MAP3K21: variants seen among roughly 807,000 people sequenced by gnomAD.
MAP3K21 encodes the protein mitogen-activated protein kinase kinase kinase 21.
Under a neutral mutation model 86.1 loss-of-function variants are expected in MAP3K21, and 63 were observed. The observed-to-expected ratio is 0.73, with a 90% CI of 0.60 to 0.90. The LOEUF is 0.90. Ranked by LOEUF, MAP3K21 falls within the 40% of genes least tolerant of loss-of-function variation. The pLI, the probability that MAP3K21 is intolerant of heterozygous loss-of-function variation, is 0.00. For synonymous variants in MAP3K21, 558 were observed against 564.8 expected (o/e 0.99, Z 0.17); for missense variants, 1,220 against 1,367.7 (o/e 0.89, Z 1.70).
Position 233,327,970 on chromosome 1 carries a change from C to T in MAP3K21, c.-59C>T. Reference sequence around the variant, plus strand: ...CACACCGCCGGACGATGCGCGCCCGCGGCCGCCCGGGAGGCTGAGCCCAGC... The same window carrying T: ...CACACCGCCGGACGATGCGCGCCCGTGGCCGCCCGGGAGGCTGAGCCCAGC... On this transcript the variant is annotated 5_prime_UTR_variant, in exon 1 of 10. Coordinates refer to ENST00000366624, the MANE Select transcript of MAP3K21 (RefSeq NM_032435.3). 8.2e-7 allele frequency: 1 copy of T among 1,225,780 alleles called. No individual in the cohort carries two copies. The highest frequency in any genetic ancestry group is 1.0e-6 in the Non-Finnish European group (1 of 983,316). The allele number at this position is 1,225,780 out of a possible 1,614,324, so 75.9% of individuals were successfully genotyped here.
At chr1:233,333,473 A>G (rs960658897) in intron 1 of MAP3K21, among the ~76,000 whole-genome samples, 1 of 152,140 alleles carries the variant, frequency 6.6e-6, no homozygotes, top group Non-Finnish European at 1.5e-5. Context: ...GGCCAGGTGT[A>G]GTGGCTCATA....
intron 6 of MAP3K21, among the ~76,000 whole-genome samples, chr1:233,375,444 A>G (rs1244240122): frequency 6.6e-6 from 1 of 152,254 alleles, no homozygotes; most frequent in East Asian, 1.9e-4. Flanking sequence ...TGACCAAAAA[A>G]TAAAGAAAGA....
rs750764987 is a variant in MAP3K21, at chr1:233,375,924, G to A, written c.1684G>A (p.Asp562Asn). The A allele has an allele frequency of 2.9e-5, 46 of 1,610,680 alleles. No homozygotes were observed. Among genetic ancestry groups the A allele is most frequent in the Non-Finnish European group, 3.5e-5 (41 of 1,177,712 alleles). The change falls in exon 7 of 10, where the codon GAT (aspartate) becomes AAT (asparagine). Residue 562 changes from aspartate to asparagine, a missense_variant. By Grantham distance (23) the Asp-to-Asn change is conservative (BLOSUM62 1). Around this residue, in one of 5 missense-constraint regions of MAP3K21, gnomAD observed 632 missense variants for 691.3 expected, o/e 0.91. Transcript: ENST00000366624. ...AATAATGTTCTTTTTAGTGACTTCA[G>A]ATGAAAGCAATAAAACTTGGGGAAG... ...PRLRAIQLTS[D>N]ESNKTWGRNT... is the part of the protein sequence containing the mutation.
Position 233,332,010 on chromosome 1 carries a change from C to T in MAP3K21, c.805+3177C>T, listed in dbSNP as rs1009722443. Among the ~76,000 whole-genome samples, 8 of 152,196 alleles carry T rather than the reference C, an allele frequency of 5.3e-5. No homozygotes were observed. The South Asian group carries it at 1.5e-3, about 28-fold the overall frequency. ...CTTTATATAAGTCTACCTATAGGCA[C>T]CCCCCAGAGAACAATACAAGGCAAC... On this transcript the variant is annotated intron_variant, in intron 1 of 9. Transcript: ENST00000366624.
intron 1 of MAP3K21, among the ~76,000 whole-genome samples, chr1:233,339,891 T>C (rs941820232): frequency 1.3e-5 from 2 of 152,222 alleles, no homozygotes; most frequent in South Asian, 2.1e-4. Context: ...AAAAAGCTTA[T>C]AATAATTCAT....
intron 1 of MAP3K21, among the ~76,000 whole-genome samples, chr1:233,342,375 A>G (rs995483407): frequency 1.3e-5 from 2 of 152,228 alleles, no homozygotes; most frequent in African/African-American, 4.8e-5. Context: ...TGAAATATTA[A>G]ATGTGTGGAA....
chr1:233,357,088 T>C (rs1366821416), intron 4 of MAP3K21, among the ~76,000 whole-genome samples: 1 of 152,202 alleles, frequency 6.6e-6, no homozygotes, highest in Non-Finnish European at 1.5e-5. Flanking sequence ...CTTCTTCTAA[T>C]CAACTTCTTC....
At chr1:233,340,893 T>G (rs1405095669) in intron 1 of MAP3K21, among the ~76,000 whole-genome samples, 1 of 152,228 alleles carries the variant, frequency 6.6e-6, no homozygotes, top group Non-Finnish European at 1.5e-5. Context: ...TTAAATAATT[T>G]GGACACAGTG....
intron 1 of MAP3K21, among the ~76,000 whole-genome samples, chr1:233,339,368 C>T (rs776380351): frequency 0.025 from 1,508 of 61,108 alleles, 335 homozygotes; most frequent in East Asian, 0.068. Flanking sequence ...TCCTTCTCCT[C>T]CTTCTCCTTC....
intron 2 of MAP3K21, among the ~76,000 whole-genome samples, chr1:233,351,480 C>T (rs1558455381): frequency 6.6e-6 from 1 of 152,052 alleles, no homozygotes; most frequent in Non-Finnish European, 1.5e-5. Flanking sequence ...ATCACAAGGT[C>T]AGGAGTTGGA....
intron 1 of MAP3K21, among the ~76,000 whole-genome samples, chr1:233,341,454 G>T (rs1310575116): frequency 6.6e-6 from 1 of 152,172 alleles, no homozygotes; most frequent in Non-Finnish European, 1.5e-5. Context: ...GTACCCTAAA[G>T]GGTTGACATT....
At chr1:233,367,998 C>T (rs1301797984) in intron 5 of MAP3K21, among the ~76,000 whole-genome samples, 1 of 152,198 alleles carries the variant, frequency 6.6e-6, no homozygotes, top group Non-Finnish European at 1.5e-5. Flanking sequence ...TGTATCTTTG[C>T]TGCTCTCACC....
intron 1 of MAP3K21, among the ~76,000 whole-genome samples, chr1:233,335,583 A>T (rs965276539): frequency 1.3e-5 from 2 of 152,234 alleles, no homozygotes; most frequent in Middle Eastern, 3.4e-3. Flanking sequence ...AAGTCATTCA[A>T]CCCATCAGAG....
intron 2 of MAP3K21, among the ~76,000 whole-genome samples, chr1:233,349,374 A>G (rs1663205419): frequency 6.6e-6 from 1 of 152,234 alleles, no homozygotes; most frequent in South Asian, 2.1e-4. Context: ...AAAATAATGT[A>G]TCTTAAGACT....
At chr1:233,335,962 G>A (rs1662904224) in intron 1 of MAP3K21, among the ~76,000 whole-genome samples, 1 of 152,080 alleles carries the variant, frequency 6.6e-6, no homozygotes, top group South Asian at 2.1e-4. Flanking sequence ...CATTCACACT[G>A]TCACCATCTT....
rs777648789 is a variant in MAP3K21, at chr1:233,378,981, C to G, written c.1975C>G (p.Pro659Ala). 6.8e-6 allele frequency: 11 copies of G among 1,613,968 alleles called. No individual in the cohort carries two copies. Among genetic ancestry groups the G allele is most frequent in the Non-Finnish European group, 9.3e-6 (11 of 1,179,970 alleles). Reference sequence around the variant, plus strand: ...CCCTGATGGATTAGAACACAGAAAACCAAAACAAATAAAATTGCCTAGTCA... The same window carrying G: ...CCCTGATGGATTAGAACACAGAAAAGCAAAACAAATAAAATTGCCTAGTCA... ...LSPDGLEHRKPKQIKLPSQAY... is the reference protein window; with the variant it reads ...LSPDGLEHRKAKQIKLPSQAY... Residue 659 changes from proline to alanine, a missense_variant, in exon 9 of 10, where the codon CCA becomes GCA. By Grantham distance (27) the Pro-to-Ala change is conservative (BLOSUM62 -1). This residue lies in a region of MAP3K21 where 632 missense variants were observed against 691.3 expected (regional missense o/e 0.91). Coordinates refer to ENST00000366624, the MANE Select transcript of MAP3K21 (RefSeq NM_032435.3).
intron 1 of MAP3K21, among the ~76,000 whole-genome samples, chr1:233,335,959 A>G (rs1662904116): frequency 6.6e-6 from 1 of 152,100 alleles, no homozygotes; most frequent in Admixed American, 6.5e-5. Flanking sequence ...CTGCATTCAC[A>G]CTGTCACCAT....
rs186973471 is a variant in MAP3K21, at chr1:233,382,957, A to G, written c.*246A>G. 6 of 388,456 alleles carry G rather than the reference A, an allele frequency of 1.5e-5. No individual in the cohort carries two copies. The Admixed American group carries it at 2.0e-4, about 13-fold the overall frequency. 24.1% of individuals were successfully genotyped at this position (388,456 alleles called of 1,614,324 possible). On this transcript the variant is annotated 3_prime_UTR_variant, in exon 10 of 10. Transcript: ENST00000366624. ...AAGTGTAAAACAAGAGATGTGCACC[A>G]ATGAAAACTATGCTGGGTCGAATTA...
chr1:233,360,223 A>G (rs949489982), intron 4 of MAP3K21, among the ~76,000 whole-genome samples: 2 of 152,226 alleles, frequency 1.3e-5, no homozygotes, highest in African/African-American at 2.4e-5. Flanking sequence ...CTGCCTCCAA[A>G]TACACTATAG....
Sources: allele counts gnomAD v4.1 joint callset (sites outside exome capture counted in the v4.1 genomes callset), GRCh38; gene constraint gnomAD v4.1.1; regional missense constraint gnomAD v4.1.1; transcripts MANE v1.5; gene names NCBI Gene and HGNC (gene_info 2026-07-23, HGNC 2026-07-21).